The following MARCHF4 variants were observed in gnomAD, a reference collection of about 807,000 sequenced individuals.
MARCHF4 encodes membrane associated ring-CH-type finger 4.
In MARCHF4, 14 loss-of-function variants were observed where a neutral mutation model predicts 43.9. The ratio of observed to expected loss-of-function variants is 0.32; its 90% CI spans 0.21 to 0.50. MARCHF4 has a LOEUF of 0.50. MARCHF4 is among the 20% of genes least tolerant of loss of function. MARCHF4 has a pLI of 0.98. For synonymous variants in MARCHF4, 226 were observed against 213.3 expected (o/e 1.06, Z -0.52); for missense variants, 468 against 536.7 (o/e 0.87, Z 1.27).
At chr2:216,288,163 C>T (rs1366865630) in intron 1 of MARCHF4, among the ~76,000 whole-genome samples, 2 of 152,184 alleles carry the variant, frequency 1.3e-5, no homozygotes, top group East Asian at 3.9e-4. Context: ...TGAGATTTCA[C>T]CACGTAGCCC....
At chr2:216,328,356 G>A (rs1263778221) in intron 1 of MARCHF4, among the ~76,000 whole-genome samples, 2 of 152,112 alleles carry the variant, frequency 1.3e-5, no homozygotes, top group Non-Finnish European at 2.9e-5. Flanking sequence ...TAGTAGAGAC[G>A]GGGTTTCACC....
At chr2:216,327,076 CTAAG>C (rs1196002227) in intron 1 of MARCHF4, among the ~76,000 whole-genome samples, 5 of 152,082 alleles carry the variant, frequency 3.3e-5, no homozygotes, top group African/African-American at 1.2e-4. Context: ...TTGGCATATA[CTAAG>C]TGACTGATAC....
At chr2:216,355,910 G>A (rs1384682756) in intron 1 of MARCHF4, among the ~76,000 whole-genome samples, 1 of 151,960 alleles carries the variant, frequency 6.6e-6, no homozygotes, top group African/African-American at 2.4e-5. Flanking sequence ...CTACCCACAA[G>A]CACACATACA....
In MARCHF4 at chr2:216,345,727, C is replaced by T. The variant is rs142286141; in HGVS notation, c.516+24018G>A. On this transcript the variant is annotated intron_variant, in intron 1 of 3. Transcript: ENST00000273067. ...GTGATCTGTGAATTAGAAGTACCTG[C>T]ATGAGCCTGGATTCCTGTTTGAAAT... Among the ~76,000 whole-genome samples the T allele has an allele frequency of 6.2e-3, 947 of 152,290 alleles. 8 individuals are homozygous for T. Among genetic ancestry groups the T allele is most frequent in the African/African-American group, 0.022 (904 of 41,554 alleles).
chr2:216,363,506 T>C (rs772427124), intron 1 of MARCHF4, among the ~76,000 whole-genome samples: 1 of 152,214 alleles, frequency 6.6e-6, no homozygotes, highest in Non-Finnish European at 1.5e-5. Flanking sequence ...ATCCTTACCT[T>C]ATCTCCCAAT....
chr2:216,295,396 G>A (rs1691374015), intron 1 of MARCHF4, among the ~76,000 whole-genome samples: 1 of 152,114 alleles, frequency 6.6e-6, no homozygotes, highest in South Asian at 2.1e-4. Context: ...TGAGTTGCTG[G>A]GATTACAGGC....
intron 1 of MARCHF4, among the ~76,000 whole-genome samples, chr2:216,320,975 G>A (rs775022289): frequency 6.6e-6 from 1 of 151,440 alleles, no homozygotes; most frequent in Non-Finnish European, 1.5e-5. Context: ...ACCGCACCCA[G>A]ATGCCTCTTT....
At chr2:216,288,210 C>T (rs137956938) in intron 1 of MARCHF4, among the ~76,000 whole-genome samples, 14 of 152,336 alleles carry the variant, frequency 9.2e-5, no homozygotes, top group East Asian at 5.8e-4. Flanking sequence ...AATGATCCTC[C>T]GGCCTCAGCC....
chr2:216,364,410 T>G (rs2105986258), intron 1 of MARCHF4, among the ~76,000 whole-genome samples: 1 of 152,250 alleles, frequency 6.6e-6, no homozygotes, highest in Non-Finnish European at 1.5e-5. Flanking sequence ...AGTGCTCCCC[T>G]TAGACCCAGG....
At position 216,320,809 on chromosome 2, in the gene MARCHF4, T is replaced by C. The variant is rs554394019; in HGVS notation, c.517-37080A>G. The stretch of plus-strand genomic sequence containing the variant: ...CCTCAGCCTCCTGAGTAGCTGGGAT[T>C]ACAGGCATGCACTACCATGCCTGGC... On this transcript the variant is annotated intron_variant, in intron 1 of 3. Coordinates refer to ENST00000273067, the MANE Select transcript of MARCHF4 (RefSeq NM_020814.3). Among the ~76,000 whole-genome samples, 21 of 150,282 alleles carry C rather than the reference T, an allele frequency of 1.4e-4. No homozygotes were observed. In the South Asian group the frequency reaches 1.7e-3, roughly 12 times the overall value.
At chr2:216,268,340 C>T (rs560673161) in intron 3 of MARCHF4, among the ~76,000 whole-genome samples, 1 of 152,338 alleles carries the variant, frequency 6.6e-6, no homozygotes, top group Admixed American at 6.5e-5. Context: ...TGTGTGTTCC[C>T]ACCCAAGTCT....
chr2:216,276,245 G>A (rs1691019899), intron 3 of MARCHF4, among the ~76,000 whole-genome samples: 1 of 152,222 alleles, frequency 6.6e-6, no homozygotes, highest in Admixed American at 6.5e-5. Context: ...TGCCAGAGCT[G>A]CTGTAAACCT....
intron 3 of MARCHF4, among the ~76,000 whole-genome samples, chr2:216,276,497 A>C (rs1691023740): frequency 6.6e-6 from 1 of 152,220 alleles, no homozygotes; most frequent in South Asian, 2.1e-4. Context: ...AAGATGGCTT[A>C]GAGAAGTTTA....
chr2:216,275,200 G>A (rs972640779), intron 3 of MARCHF4, among the ~76,000 whole-genome samples: 9 of 152,258 alleles, frequency 5.9e-5, no homozygotes, highest in Non-Finnish European at 1.0e-4. Flanking sequence ...GAATTAGAGA[G>A]ATAGAAGTGT....
chr2:216,260,798 T>C (rs1690730034), intron 3 of MARCHF4, among the ~76,000 whole-genome samples: 1 of 152,168 alleles, frequency 6.6e-6, no homozygotes, highest in African/African-American at 2.4e-5. Flanking sequence ...AAGCCACCTG[T>C]GGCACCTGTG....
chr2:216,295,242 G>A (rs1691372086), intron 1 of MARCHF4, among the ~76,000 whole-genome samples: 1 of 152,126 alleles, frequency 6.6e-6, no homozygotes, highest in South Asian at 2.1e-4. Flanking sequence ...GATAACACAA[G>A]GTGAGGGTTT....
At chr2:216,335,502 A>C (rs1692143316) in intron 1 of MARCHF4, among the ~76,000 whole-genome samples, 1 of 152,246 alleles carries the variant, frequency 6.6e-6, no homozygotes, top group East Asian at 1.9e-4. Context: ...GAATAAATGT[A>C]AGAGACATTC....
rs532473061 is a variant in MARCHF4, at chr2:216,360,895, G to A, written c.516+8850C>T. 5.7e-5 allele frequency among the ~76,000 whole-genome samples: 8 copies of A among 140,166 alleles called. No individual in the cohort carries two copies. The South Asian group carries it at 1.7e-3, about 29-fold the overall frequency. The allele number at this position is 140,166 out of a possible 152,430, so 92.0% of individuals were successfully genotyped here. On this transcript the variant is annotated intron_variant, in intron 1 of 3. Transcript: ENST00000273067. Reference sequence around the variant, plus strand: ...AGGCTGGTCTCAAATTCCAGGGCTCGTCTCAAATTCCAGGGCTCAAACGAT... The same window carrying A: ...AGGCTGGTCTCAAATTCCAGGGCTCATCTCAAATTCCAGGGCTCAAACGAT...
At chr2:216,361,883 A>G (rs2105984895) in intron 1 of MARCHF4, among the ~76,000 whole-genome samples, 1 of 152,206 alleles carries the variant, frequency 6.6e-6, no homozygotes, top group Admixed American at 6.5e-5. Flanking sequence ...GATGGGGTAA[A>G]TATCACTCTC....
Sources: allele counts gnomAD v4.1 joint callset (sites outside exome capture counted in the v4.1 genomes callset), GRCh38; gene constraint gnomAD v4.1.1; transcripts MANE v1.5; gene names NCBI Gene and HGNC (gene_info 2026-07-23, HGNC 2026-07-21).